The following FUT8 variants were observed in gnomAD, a reference collection of about 807,000 sequenced individuals.
FUT8 encodes alpha-(1,6)-fucosyltransferase.
A neutral mutation model predicts 71.3 loss-of-function variants in FUT8; 29 were observed. The ratio of observed to expected loss-of-function variants is 0.41; its 90% confidence interval spans 0.30 to 0.55. The LOEUF is 0.55. Among genes scored for constraint, FUT8 ranks in the 20% least tolerant of loss-of-function variants. The pLI is 0.34. For synonymous variants in FUT8, 254 were observed against 239.3 expected, an observed-to-expected ratio of 1.06 and a Z score of -0.57; for missense variants, 544 against 702.1, an observed-to-expected ratio of 0.77 and a Z score of 2.55.
intron 2 of FUT8, among the ~76,000 whole-genome samples, chr14:65,497,744 A>T (rs2066580995): frequency 1.3e-5 from 2 of 152,106 alleles, no homozygotes; most frequent in African/African-American, 4.8e-5. Context: ...GGAGTATTTT[A>T]AAATGAATAT....
intron 3 of FUT8, among the ~76,000 whole-genome samples, chr14:65,568,261 G>A (rs1359102949): frequency 1.3e-5 from 2 of 151,442 alleles, no homozygotes; most frequent in African/African-American, 2.4e-5. Flanking sequence ...CTATAGTAAT[G>A]TCTCCTTTTT....
intron 1 of FUT8, among the ~76,000 whole-genome samples, chr14:65,445,807 A>G (rs986456526): frequency 1.3e-5 from 2 of 152,222 alleles, no homozygotes; most frequent in African/African-American, 2.4e-5. Context: ...TATTTTTTAA[A>G]AAGTAGAAAC....
chr14:65,494,722 C>T (rs914100262), intron 2 of FUT8, among the ~76,000 whole-genome samples: 13 of 151,864 alleles, frequency 8.6e-5, no homozygotes, highest in East Asian at 5.8e-4. Context: ...TTTTAAGCCC[C>T]GCATGCATTA....
At chr14:65,527,057 C>G (rs940184449) in intron 2 of FUT8, among the ~76,000 whole-genome samples, 1 of 152,134 alleles carries the variant, frequency 6.6e-6, no homozygotes, top group Non-Finnish European at 1.5e-5. Flanking sequence ...TTGCTCTTCT[C>G]AAGGAGTATC....
chr14:65,703,815 C>A (rs911087924), intron 7 of FUT8, among the ~76,000 whole-genome samples: 9 of 152,290 alleles, frequency 5.9e-5, no homozygotes, highest in Admixed American at 4.6e-4. Flanking sequence ...TTTTAGTAGG[C>A]TAAGATGTAC....
intron 7 of FUT8, among the ~76,000 whole-genome samples, chr14:65,676,269 G>T (rs549764623): frequency 1.3e-5 from 2 of 152,258 alleles, no homozygotes; most frequent in Non-Finnish European, 2.9e-5. Flanking sequence ...ACCTCACTAT[G>T]GAGTGTAAAC....
At chr14:65,558,280 C>T (rs571650408) in intron 2 of FUT8, among the ~76,000 whole-genome samples, 8 of 147,776 alleles carry the variant, frequency 5.4e-5, no homozygotes, top group African/African-American at 1.5e-4. Flanking sequence ...TGTAGTGAGC[C>T]GAGATTGTGC....
chr14:65,478,064 C>G (rs1352348262), intron 2 of FUT8, among the ~76,000 whole-genome samples: 1 of 152,036 alleles, frequency 6.6e-6, no homozygotes, highest in Non-Finnish European at 1.5e-5. Flanking sequence ...TAAGTAAACT[C>G]CATTATAGTC....
At chr14:65,619,724 T>C (rs573906550) in intron 5 of FUT8, among the ~76,000 whole-genome samples, 1 of 152,324 alleles carries the variant, frequency 6.6e-6, no homozygotes, top group South Asian at 2.1e-4. Flanking sequence ...TATATTGATA[T>C]CAAGTTTTAG....
intron 3 of FUT8, among the ~76,000 whole-genome samples, chr14:65,615,032 C>T (rs1889209533): frequency 6.6e-6 from 1 of 152,114 alleles, no homozygotes; most frequent in African/African-American, 2.4e-5. Flanking sequence ...TGTGTTCCAG[C>T]TTTTATATTA....
chr14:65,507,803 T>A (rs1481679285), intron 2 of FUT8, among the ~76,000 whole-genome samples: 1 of 152,222 alleles, frequency 6.6e-6, no homozygotes, highest in Non-Finnish European at 1.5e-5. Context: ...TTTCCTTTTT[T>A]GGGGCTATAT....
the FUT8 span, among the ~76,000 whole-genome samples, chr14:65,378,826 T>G: frequency 1.4e-5 from 2 of 143,530 alleles, no homozygotes; most frequent in South Asian, 2.2e-4. Context: ...CTAAAAAAAT[T>G]TCACAAGAAG....
At chr14:65,370,761 A>G in the FUT8 span, among the ~76,000 whole-genome samples, 2 of 152,126 alleles carry the variant, frequency 1.3e-5, no homozygotes, top group African/African-American at 4.8e-5. Flanking sequence ...TGACAAAAAA[A>G]CAGATTAGCA....
chr14:65,500,923 T>C (rs1414374389), intron 2 of FUT8, among the ~76,000 whole-genome samples: 2 of 152,240 alleles, frequency 1.3e-5, no homozygotes, highest in Admixed American at 6.5e-5. Flanking sequence ...TATATTCCTT[T>C]CTTAGGTTAT....
chr14:65,410,956 T>C (rs1344579573), upstream of FUT8: 1 of 152,126 alleles, frequency 6.6e-6, no homozygotes, highest in African/African-American at 2.4e-5. Flanking sequence ...TAAAATGCTG[T>C]GTTTAAACTA....
intron 7 of FUT8, among the ~76,000 whole-genome samples, chr14:65,702,320 G>C (rs1381752780): frequency 2.0e-5 from 3 of 147,926 alleles, no homozygotes; most frequent in Non-Finnish European, 4.5e-5. Flanking sequence ...ACTCCAACCT[G>C]GGCAGCAAGA....
intron 6 of FUT8, among the ~76,000 whole-genome samples, chr14:65,640,268 A>T (rs1890764658): frequency 6.6e-6 from 1 of 152,030 alleles, no homozygotes; most frequent in South Asian, 2.1e-4. Flanking sequence ...GAAAAAAAAA[A>T]TGCTACAGTC....
At chr14:65,545,657 A>C (rs1053257398) in intron 2 of FUT8, among the ~76,000 whole-genome samples, 3 of 151,792 alleles carry the variant, frequency 2.0e-5, no homozygotes, top group Admixed American at 6.6e-5. Flanking sequence ...TTGTTAAAAA[A>C]GTAAATTGAT....
intron 5 of FUT8, among the ~76,000 whole-genome samples, chr14:65,618,774 G>A (rs1485569683): frequency 6.6e-6 from 1 of 152,110 alleles, no homozygotes; most frequent in Non-Finnish European, 1.5e-5. Context: ...TGGCTCAAAT[G>A]ATAGTGTATA....
Sources: allele counts gnomAD v4.1 joint callset (sites outside exome capture counted in the v4.1 genomes callset), GRCh38; gene constraint gnomAD v4.1.1; transcripts MANE v1.5; gene names NCBI Gene and HGNC (gene_info 2026-07-23, HGNC 2026-07-21).